The following MAML3 variants were observed in gnomAD, a reference collection of about 807,000 sequenced individuals.
The protein encoded by MAML3 is mastermind like transcriptional coactivator 3, also known as mastermind-like protein 3.
A neutral mutation model predicts 101.9 loss-of-function variants in MAML3; 27 were observed. The observed-to-expected ratio is 0.27, with a 90% CI of 0.20 to 0.37. The LOEUF is 0.37. MAML3 is among the 10% of genes least tolerant of loss of function. MAML3 has a pLI of 1.00. For synonymous variants in MAML3, 501 were observed against 555.9 expected (o/e 0.90, Z 1.39); for missense variants, 1,316 against 1,444.9 (o/e 0.91, Z 1.45).
intron 2 of MAML3, among the ~76,000 whole-genome samples, chr4:139,750,853 G>A (rs1484556250): frequency 6.6e-6 from 1 of 152,158 alleles, no homozygotes; most frequent in Admixed American, 6.5e-5. Flanking sequence ...AAACTGAAGT[G>A]GGAGGAAGTT....
rs186884382 is a variant in MAML3 at position 139,950,546 on chromosome 4, T to C, written c.469-59579A>G. On this transcript the variant is annotated intron_variant, in intron 1 of 4. Transcript: ENST00000509479. ...ACAGGAGACCCTCAGTAGAGAGTCC[T>C]GTAGATCAAGCCTCCATCCTGATTG... Among the ~76,000 whole-genome samples the C allele has an allele frequency of 1.7e-3, 260 of 152,306 alleles. 1 individual carries two copies. Among genetic ancestry groups the C allele is most frequent in the Non-Finnish European group, 2.9e-3 (198 of 68,012 alleles).
chr4:140,055,300 A>AACAAAG (rs1396730925), intron 1 of MAML3, among the ~76,000 whole-genome samples: 4 of 152,178 alleles, frequency 2.6e-5, no homozygotes, highest in Non-Finnish European at 5.9e-5. Flanking sequence ...GATGGTATTA[A>AACAAAG]TTAGTTTGTT....
chr4:139,840,991 T>C (rs1274524800), intron 2 of MAML3, among the ~76,000 whole-genome samples: 1 of 152,136 alleles, frequency 6.6e-6, no homozygotes, highest in Non-Finnish European at 1.5e-5. Context: ...GTCACAGTGA[T>C]TGCAAAATGA....
At chr4:140,073,149 T>TA (rs1202805949) in intron 1 of MAML3, among the ~76,000 whole-genome samples, 6 of 151,968 alleles carry the variant, frequency 3.9e-5, no homozygotes, top group African/African-American at 1.4e-4. Context: ...TTCTTTTTTT[T>TA]TTTTTTGAGA....
chr4:139,732,306 TG>T, intron 2 of MAML3, among the ~76,000 whole-genome samples: 1 of 152,224 alleles, frequency 6.6e-6, no homozygotes, highest in Non-Finnish European at 1.5e-5. Flanking sequence ...CCCTATGGCT[TG>T]GGCTTGTGTT....
At chr4:139,870,604 C>T (rs1407030234) in intron 2 of MAML3, among the ~76,000 whole-genome samples, 1 of 152,144 alleles carries the variant, frequency 6.6e-6, no homozygotes, top group Non-Finnish European at 1.5e-5. Flanking sequence ...TATTTCAAGG[C>T]TCCCTCTGTT....
At chr4:139,776,483 A>G (rs1468451640) in intron 2 of MAML3, among the ~76,000 whole-genome samples, 3 of 152,204 alleles carry the variant, frequency 2.0e-5, no homozygotes, top group Non-Finnish European at 4.4e-5. Context: ...CTGATAGATA[A>G]GTGAAAAATA....
intron 1 of MAML3, among the ~76,000 whole-genome samples, chr4:140,008,600 T>TC (rs1553968652): frequency 0.054 from 8,174 of 151,520 alleles, 296 homozygotes; most frequent in Middle Eastern, 0.11. Flanking sequence ...CTCTTTTTTT[T>TC]CTCTCACAAG....
intron 2 of MAML3, among the ~76,000 whole-genome samples, chr4:139,875,463 C>T (rs976103487): frequency 1.1e-4 from 16 of 152,276 alleles, no homozygotes; most frequent in African/African-American, 3.6e-4. Flanking sequence ...TTCATGTTCA[C>T]GTGGAGCTAA....
chr4:140,040,549 G>A (rs531777930), intron 1 of MAML3, among the ~76,000 whole-genome samples: 48 of 152,222 alleles, frequency 3.2e-4, no homozygotes, highest in African/African-American at 9.9e-4. Flanking sequence ...GCCCTTGGGC[G>A]CCACACTAAA....
At chr4:140,011,168 CAT>C (rs70943467) in intron 1 of MAML3, among the ~76,000 whole-genome samples, 52,363 of 121,808 alleles carry the variant, frequency 0.43, 12,359 homozygotes, top group East Asian at 0.66. Context: ...ATATATATGA[CAT>C]ATATGTCATA....
intron 2 of MAML3, among the ~76,000 whole-genome samples, chr4:139,771,632 A>C (rs1028855467): frequency 7.9e-5 from 12 of 152,350 alleles, no homozygotes; most frequent in African/African-American, 2.9e-4. Context: ...AGCTGGCGGA[A>C]ATAATTTTCT....
chr4:139,750,643 T>C (rs553593060), intron 2 of MAML3, among the ~76,000 whole-genome samples: 94 of 152,310 alleles, frequency 6.2e-4, no homozygotes, highest in African/African-American at 2.2e-3. Context: ...AAGTCTACCC[T>C]CCTGCAGCTG....
At chr4:139,908,082 C>T (rs1732851310) in intron 1 of MAML3, among the ~76,000 whole-genome samples, 1 of 152,186 alleles carries the variant, frequency 6.6e-6, no homozygotes, top group African/African-American at 2.4e-5. Flanking sequence ...CTCTGGAACT[C>T]AGTTAACTAT....
chr4:140,062,460 C>G (rs1280063400), intron 1 of MAML3, among the ~76,000 whole-genome samples: 2 of 152,184 alleles, frequency 1.3e-5, no homozygotes, highest in Admixed American at 6.5e-5. Context: ...AGCAAGCCCA[C>G]AAGATGACTG....
chr4:139,976,845 G>T (rs1352666497), intron 1 of MAML3, among the ~76,000 whole-genome samples: 1 of 151,840 alleles, frequency 6.6e-6, no homozygotes, highest in African/African-American at 2.4e-5. Context: ...TCCCTCCAGG[G>T]CACATCTGGC....
intron 1 of MAML3, among the ~76,000 whole-genome samples, chr4:140,144,516 C>T (rs530343456): frequency 5.0e-5 from 7 of 138,628 alleles, no homozygotes; most frequent in Non-Finnish European, 7.6e-5. Flanking sequence ...GGTGACAGAG[C>T]GAGACCCTGT....
chr4:140,051,388 C>G (rs1727264962), intron 1 of MAML3, among the ~76,000 whole-genome samples: 1 of 151,896 alleles, frequency 6.6e-6, no homozygotes, highest in Non-Finnish European at 1.5e-5. Context: ...AACCCTGTCT[C>G]TACTAAAAAT....
intron 2 of MAML3, among the ~76,000 whole-genome samples, chr4:139,816,654 G>C (rs1160377290): frequency 6.6e-6 from 1 of 152,038 alleles, no homozygotes; most frequent in Non-Finnish European, 1.5e-5. Context: ...CTTCTTTCAA[G>C]ACACCACTGA....
Sources: allele counts gnomAD v4.1 joint callset (sites outside exome capture counted in the v4.1 genomes callset), GRCh38; gene constraint gnomAD v4.1.1; transcripts MANE v1.5; gene names NCBI Gene and HGNC (gene_info 2026-07-23, HGNC 2026-07-21).